Variants in PCDHA10 observed in about 807,000 individuals in gnomAD.
The protein encoded by PCDHA10 is protocadherin alpha 10, also known as protocadherin alpha-10.
Under a neutral mutation model 61.2 loss-of-function variants are expected in PCDHA10, and 45 were observed. The observed-to-expected ratio is 0.74, with a 90% CI of 0.58 to 0.94. PCDHA10 has a LOEUF of 0.94. Among genes scored for constraint, PCDHA10 ranks in the 40% least tolerant of loss-of-function variants. PCDHA10 has a pLI of 0.00. For synonymous variants in PCDHA10, 602 were observed against 548.8 expected, an observed-to-expected ratio of 1.10 and a Z score of -1.35; for missense variants, 1,278 against 1,236.2, an observed-to-expected ratio of 1.03 and a Z score of -0.51.
chr5:141,005,664 T>G (rs1554260244), intron 3 of PCDHA10, among the ~76,000 whole-genome samples: 1 of 122,102 alleles, frequency 8.2e-6, no homozygotes. Flanking sequence ...ATCGCGCCAC[T>G]GCACTCCAGC....
rs782625866 is a variant in PCDHA10, at chr5:140,857,864, C to T, written c.1816C>T (p.Leu606=). 4 of 1,597,766 alleles carry T rather than the reference C, an allele frequency of 2.5e-6. No individual in the cohort carries two copies. The highest frequency in any genetic ancestry group is 3.4e-4 in the Middle Eastern group (2 of 5,926). The change falls in exon 1 of 4, where the codon CTG becomes TTG. Residue 606 remains leucine, a synonymous_variant. Transcript: ENST00000307360. ...CGCTGACTCTGGATACAACGCGTGG[C>T]TGTCGTATGAATTGCAGTCGGCGGC... ...VDADSGYNAW[L]SYELQSAAVG...
At chr5:140,871,113 G>A (rs782238733) in intron 1 of PCDHA10, 24 of 1,613,188 alleles carry the variant, frequency 1.5e-5, no homozygotes, top group South Asian at 7.7e-5. Flanking sequence ...CGTTGGTGGA[G>A]AGCGGACAGG....
intron 3 of PCDHA10, among the ~76,000 whole-genome samples, chr5:141,004,051 A>G (rs2098149842): frequency 6.6e-6 from 1 of 152,240 alleles, no homozygotes; most frequent in East Asian, 1.9e-4. Flanking sequence ...ATTTGCTGAT[A>G]CTGGCCCCTG....
chr5:140,868,908 C>A, intron 1 of PCDHA10: 1 of 882,186 alleles, frequency 1.1e-6, no homozygotes, highest in Non-Finnish European at 1.7e-6. Context: ...TCGCTCTTTA[C>A]TTGGTGGAAA....
chr5:140,993,459 TTC>T lies in PCDHA10; in HGVS notation c.2536+10899_2536+10900del, dbSNP rs202191067. Among the ~76,000 whole-genome samples the T allele has an allele frequency of 6.6e-3, 550 of 83,072 alleles. 5 individuals carry two copies. The highest frequency in any genetic ancestry group is 0.016 in the African/African-American group (346 of 21,866). The allele number at this position is 83,072 out of a possible 152,430, so 54.5% of individuals were successfully genotyped here. ...ATTCATTCCTGTTCTCCTTCTTTCTTTCTCACACACACACACACACACACACA... is the reference window on the plus strand; with the variant it reads ...ATTCATTCCTGTTCTCCTTCTTTCTTTCACACACACACACACACACACACA... On this transcript the variant is annotated intron_variant, in intron 3 of 3. Transcript: ENST00000307360.
intron 1 of PCDHA10, among the ~76,000 whole-genome samples, chr5:140,941,192 TTTC>T (rs1447153939): frequency 7.0e-5 from 7 of 99,658 alleles, no homozygotes; most frequent in Admixed American, 1.0e-4. Flanking sequence ...CTTCTTTTTT[TTTC>T]TTTCTTCCTT....
rs1563652468 is a variant in PCDHA10, at chr5:141,000,419, A to ATT, written c.2537-9207_2537-9206insTT. ...TCTATATATATATATATATATATAT[A>ATT]TATTTTTTTTTTTTTTTTTTTTTTT... On this transcript the variant is annotated intron_variant, in intron 3 of 3. Transcript: ENST00000307360. 2.1e-3 allele frequency among the ~76,000 whole-genome samples: 126 copies of ATT among 60,978 alleles called. 1 individual carries two copies. The highest frequency in any genetic ancestry group is 3.3e-3 in the African/African-American group (43 of 13,160). The allele number at this position is 60,978 out of a possible 152,430, so 40.0% of individuals were successfully genotyped here. A position where few individuals can be genotyped will look rare whatever the true frequency, so the allele number is the denominator to read the frequency against.
At chr5:140,937,446 G>A (rs1330877546) in intron 1 of PCDHA10, among the ~76,000 whole-genome samples, 1 of 152,088 alleles carries the variant, frequency 6.6e-6, no homozygotes, top group Non-Finnish European at 1.5e-5. Context: ...TATTTTAAAA[G>A]TTTAATTTTA....
intron 3 of PCDHA10, among the ~76,000 whole-genome samples, chr5:140,998,715 C>T (rs535565356): frequency 2.6e-5 from 4 of 152,236 alleles, no homozygotes; most frequent in African/African-American, 9.6e-5. Flanking sequence ...CAAGCTTGCA[C>T]CACCACGCTA....
chr5:140,891,879 A>G, intron 1 of PCDHA10, among the ~76,000 whole-genome samples: 1 of 152,196 alleles, frequency 6.6e-6, no homozygotes, highest in East Asian at 1.9e-4. Flanking sequence ...TGGCTCTGTC[A>G]TGTGACGATG....
chr5:140,873,181 T>C (rs2153284921), intron 1 of PCDHA10, among the ~76,000 whole-genome samples: 1 of 152,304 alleles, frequency 6.6e-6, no homozygotes, highest in African/African-American at 2.4e-5. Flanking sequence ...TGTATCATAA[T>C]ATTCATTGGC....
intron 1 of PCDHA10, chr5:140,882,794 G>C: frequency 6.2e-7 from 1 of 1,614,188 alleles, no homozygotes; most frequent in Non-Finnish European, 8.5e-7. Context: ...GGATCCCAAC[G>C]ATTATTTCAC....
At chr5:141,007,476 G>A (rs1412241964) in intron 3 of PCDHA10, among the ~76,000 whole-genome samples, 1 of 151,712 alleles carries the variant, frequency 6.6e-6, no homozygotes, top group Non-Finnish European at 1.5e-5. Context: ...GCTGAGGCAC[G>A]AGAATTACTT....
intron 3 of PCDHA10, among the ~76,000 whole-genome samples, chr5:140,991,989 G>A (rs782528431): frequency 1.3e-5 from 2 of 151,180 alleles, no homozygotes; most frequent in African/African-American, 4.9e-5. Flanking sequence ...CCTACCACCC[G>A]GTCTTTCATG....
At chr5:140,863,660 A>G (rs1439004370) in intron 1 of PCDHA10, 2 of 293,826 alleles carry the variant, frequency 6.8e-6, no homozygotes, top group Non-Finnish European at 1.3e-5. Flanking sequence ...TGATTGCTTT[A>G]TTTATTTTGC....
intron 1 of PCDHA10, among the ~76,000 whole-genome samples, chr5:140,959,893 T>A (rs782431808): frequency 6.6e-6 from 1 of 152,194 alleles, no homozygotes; most frequent in Non-Finnish European, 1.5e-5. Flanking sequence ...CGAGTGGGAT[T>A]TATATCAGAA....
intron 2 of PCDHA10, among the ~76,000 whole-genome samples, chr5:140,980,144 T>C (rs2096877989): frequency 6.6e-6 from 1 of 152,172 alleles, no homozygotes; most frequent in Admixed American, 6.6e-5. Flanking sequence ...GAAACATTCA[T>C]GCATATACCA....
intron 1 of PCDHA10, chr5:140,927,044 C>T (rs1337649079): frequency 6.2e-7 from 1 of 1,612,210 alleles, no homozygotes; most frequent in Non-Finnish European, 8.5e-7. Flanking sequence ...GCCGCTATGT[C>T]CTCGCGGAAC....
intron 1 of PCDHA10, among the ~76,000 whole-genome samples, chr5:140,941,191 T>TTTTTTTCTTTCTTTCTTTC (rs1554213809): frequency 2.1e-5 from 2 of 93,258 alleles, no homozygotes; most frequent in Admixed American, 1.2e-4. Context: ...GCTTCTTTTT[T>TTTTTTTCTTTCTTTCTTTC]TTTCTTTCTT....
Sources: allele counts gnomAD v4.1 joint callset (sites outside exome capture counted in the v4.1 genomes callset), GRCh38; gene constraint gnomAD v4.1.1; transcripts MANE v1.5; gene names NCBI Gene and HGNC (gene_info 2026-07-23, HGNC 2026-07-21).